Variants in MRTFA observed in about 807,000 individuals in gnomAD.
The protein encoded by MRTFA is myocardin-related transcription factor A.
MRTFA carries 20 observed loss-of-function variants against 83.5 expected under a neutral mutation model. That is an observed-to-expected ratio of 0.24 (90% CI 0.17 to 0.35). The LOEUF (loss-of-function observed/expected upper bound fraction) is 0.35, where lower values mean the gene tolerates loss of function less well. MRTFA is among the 10% of genes least tolerant of loss of function. The probability of loss-of-function intolerance (pLI) is 1.00; values close to 1 mark genes in which losing one functional copy is unlikely to be tolerated. For missense variants in MRTFA, 1,200 were observed against 1,224.7 expected, an observed-to-expected ratio of 0.98 and a Z score of 0.30; for synonymous variants, 659 against 541.2, an observed-to-expected ratio of 1.22 and a Z score of -3.02.
chr22:40,481,901 A>T (rs976280517), intron 3 of MRTFA, among the ~76,000 whole-genome samples: 7 of 152,042 alleles, frequency 4.6e-5, no homozygotes, highest in African/African-American at 1.7e-4. Flanking sequence ...TCTACTAAAA[A>T]TACAAAAAGT....
intron 3 of MRTFA, among the ~76,000 whole-genome samples, chr22:40,492,462 T>G (rs1326217937): frequency 1.3e-5 from 2 of 152,178 alleles, no homozygotes; most frequent in African/African-American, 4.8e-5. Flanking sequence ...TGTGTAGAGC[T>G]GGAAGAGGAG....
chr22:40,535,204 C>T (rs778842663), intron 3 of MRTFA, among the ~76,000 whole-genome samples: 1 of 152,034 alleles, frequency 6.6e-6, no homozygotes, highest in African/African-American at 2.4e-5. Context: ...TTAGGAAAAA[C>T]GGGTAAATTT....
At chr22:40,589,954 G>A (rs542566479) in intron 2 of MRTFA, among the ~76,000 whole-genome samples, 1,764 of 151,660 alleles carry the variant, frequency 0.012, 23 homozygotes, top group Non-Finnish European at 0.016. Flanking sequence ...CCCGGGAGGC[G>A]GAGGTTGCAG....
At chr22:40,615,600 G>A (rs1352565711) in intron 1 of MRTFA, among the ~76,000 whole-genome samples, 1 of 151,920 alleles carries the variant, frequency 6.6e-6, no homozygotes, top group African/African-American at 2.4e-5. Flanking sequence ...CATGCAGATG[G>A]TATATCTCCA....
rs190746208 is a variant in MRTFA at position 40,490,325 on chromosome 22, G to A, written c.242-27039C>T. Among the ~76,000 whole-genome samples the A allele has an allele frequency of 5.3e-4, 81 of 152,234 alleles. 2 individuals carry two copies. In the East Asian group the frequency reaches 0.013, roughly 25 times the overall value. On this transcript the variant is annotated intron_variant, in intron 3 of 14. Coordinates refer to ENST00000355630, the MANE Select transcript of MRTFA (RefSeq NM_020831.6). Reference sequence around the variant, plus strand: ...AATTCTTAAAACTATTCTCAGCTGGGCGCGATGGCTCACGCCTGTAATCCT... The same window carrying A: ...AATTCTTAAAACTATTCTCAGCTGGACGCGATGGCTCACGCCTGTAATCCT...
chr22:40,579,847 C>T (rs2055920231), intron 2 of MRTFA, among the ~76,000 whole-genome samples: 1 of 146,674 alleles, frequency 6.8e-6, no homozygotes. Flanking sequence ...GCAACAAGAG[C>T]GAAACTCCAT....
In MRTFA at chr22:40,418,644, G is replaced by A. The variant is rs760322885; in HGVS notation, c.2094C>T (p.Asn698=). 32 of 1,529,518 alleles carry A rather than the reference G, an allele frequency of 2.1e-5. No homozygotes were observed. The African/African-American group carries it at 3.3e-4, about 16-fold the overall frequency. 94.7% of individuals were successfully genotyped at this position (1,529,518 alleles called of 1,614,324 possible). Residue 698 remains asparagine (N), a synonymous_variant, in exon 12 of 15, where the codon AAC becomes AAT. Transcript: ENST00000355630. ...TGGTGGCTGGGGCCGCCAGGCTGGG[G>A]TTGAATGGGTGAGCGGGGCCCAGGG...
At chr22:40,514,550 C>T (rs1269589811) in intron 3 of MRTFA, among the ~76,000 whole-genome samples, 3 of 150,384 alleles carry the variant, frequency 2.0e-5, no homozygotes, top group Non-Finnish European at 4.4e-5. Flanking sequence ...ACTTGGTGCA[C>T]TGCAAGCTCC....
intron 4 of MRTFA, among the ~76,000 whole-genome samples, chr22:40,454,571 C>T (rs545507930): frequency 3.3e-5 from 5 of 152,246 alleles, no homozygotes; most frequent in East Asian, 1.9e-4. Flanking sequence ...TTCAAAAGCA[C>T]GAACAATACA....
At position 40,491,198 on chromosome 22, in the gene MRTFA, C is replaced by T. The variant is rs1440883516; in HGVS notation, c.242-27912G>A. Among the ~76,000 whole-genome samples, 48 of 152,040 alleles carry T rather than the reference C, an allele frequency of 3.2e-4. 2 individuals carry two copies. Among genetic ancestry groups the T allele is most frequent in the Admixed American group, 3.1e-3 (48 of 15,254 alleles). On this transcript the variant is annotated intron_variant, in intron 3 of 14. Coordinates refer to ENST00000355630, the MANE Select transcript of MRTFA (RefSeq NM_020831.6). ...CTCTACAAAAAATATAAAAATTAGC[C>T]GGGTGCAGTGGTGCACGCCTGTAGT...
Position 40,578,302 on chromosome 22 carries a change from G to A in MRTFA, c.-22+16372C>T, listed in dbSNP as rs576457702. On this transcript the variant is annotated intron_variant, in intron 2 of 14. Transcript: ENST00000355630. ...CACTACTCACTCCCACCCACATACC[G>A]CAGTTCAAAAAACACTGCTCTGGAG... Among the ~76,000 whole-genome samples the A allele has an allele frequency of 1.7e-4, 26 of 152,002 alleles. No individual in the cohort carries two copies. The South Asian group carries it at 3.7e-3, about 22-fold the overall frequency.
Position 40,552,114 on chromosome 22 carries a change from C to T in MRTFA, c.233G>A (p.Arg78Gln). 5.0e-6 allele frequency: 2 copies of T among 398,746 alleles called. No individual in the cohort carries two copies. The allele number at this position is 398,746 out of a possible 1,614,324, so 24.7% of individuals were successfully genotyped here. The change falls in exon 3 of 15, where the codon CGG (arginine) becomes CAG (glutamine). Residue 78 changes from arginine (R) to glutamine (Q), a missense_variant. Physicochemically the swap from Arg to Gln is conservative, Grantham distance 43 (BLOSUM62 1). Coordinates refer to ENST00000355630, the MANE Select transcript of MRTFA (RefSeq NM_020831.6). ...ATTCTGTATCTACTCACCATTCTTC[C>T]GCTCACTAAGTGGAGGCAAATTGGG...
At chr22:40,509,090 A>C (rs1286502852) in intron 3 of MRTFA, among the ~76,000 whole-genome samples, 1 of 152,206 alleles carries the variant, frequency 6.6e-6, no homozygotes, top group African/African-American at 2.4e-5. Context: ...AAGCTGCCAC[A>C]AATTGTTTAA....
chr22:40,619,525 G>A (rs998878311), intron 1 of MRTFA, among the ~76,000 whole-genome samples: 1 of 152,098 alleles, frequency 6.6e-6, no homozygotes, highest in South Asian at 2.1e-4. Flanking sequence ...ACATACTGAA[G>A]GTACAGCCTG....
chr22:40,617,198 G>GAGGA (rs2056461731), intron 1 of MRTFA, among the ~76,000 whole-genome samples: 1 of 119,668 alleles, frequency 8.4e-6, no homozygotes, highest in African/African-American at 3.1e-5. Context: ...GGGAGGGAGG[G>GAGGA]AGGGAGGGAG....
At chr22:40,621,403 A>G (rs960241106) in intron 1 of MRTFA, among the ~76,000 whole-genome samples, 1 of 152,208 alleles carries the variant, frequency 6.6e-6, no homozygotes, top group Non-Finnish European at 1.5e-5. Flanking sequence ...TGTATGAAGT[A>G]CTTAAGAGTA....
intron 3 of MRTFA, among the ~76,000 whole-genome samples, chr22:40,550,576 C>T (rs1287501474): frequency 6.6e-6 from 1 of 152,090 alleles, no homozygotes; most frequent in Non-Finnish European, 1.5e-5. Flanking sequence ...TACAGAATAT[C>T]TTTAACTTAC....
intron 4 of MRTFA, among the ~76,000 whole-genome samples, chr22:40,441,242 A>C (rs1046110750): frequency 6.6e-6 from 1 of 152,180 alleles, no homozygotes; most frequent in Non-Finnish European, 1.5e-5. Context: ...AAGGAAAAAT[A>C]AGCAAGCTCC....
chr22:40,429,447 A>G, intron 7 of MRTFA, 159 bp downstream of exon 7: 1 of 804,844 alleles, frequency 1.2e-6, no homozygotes, highest in Non-Finnish European at 2.2e-6. Flanking sequence ...CAACCTGTGC[A>G]TGAGGCTCTC....
Sources: allele counts gnomAD v4.1 joint callset (sites outside exome capture counted in the v4.1 genomes callset), GRCh38; gene constraint gnomAD v4.1.1; transcripts MANE v1.5; gene names NCBI Gene and HGNC (gene_info 2026-07-23, HGNC 2026-07-21).